The following NXPE3 variants were observed in gnomAD, a reference collection of about 807,000 sequenced individuals.
NXPE3 encodes neurexophilin and PC-esterase domain family member 3, also known as NXPE family member 3.
Under a neutral mutation model 46.1 loss-of-function variants are expected in NXPE3, and 26 were observed. The observed-to-expected ratio is 0.56, with a 90% CI of 0.41 to 0.78. The LOEUF is 0.78. Ranked by LOEUF, NXPE3 falls within the 30% of genes least tolerant of loss-of-function variation. The pLI is 0.00. For synonymous variants in NXPE3, 272 were observed against 257.9 expected, an observed-to-expected ratio of 1.05 and a Z score of -0.52; for missense variants, 620 against 686.0, an observed-to-expected ratio of 0.90 and a Z score of 1.07.
rs998835524 is a variant in NXPE3 at position 101,805,260 on chromosome 3, A to G, written c.849-1793A>G. On this transcript the variant is annotated intron_variant, in intron 5 of 7. Coordinates refer to ENST00000273347, the MANE Select transcript of NXPE3 (RefSeq NM_145037.4). ...ATATGCAGTTCATATTAGATATTCA[A>G]GTTTCTTCAGTTGTCCCAATAATGA... Among the ~76,000 whole-genome samples the G allele has an allele frequency of 7.8e-4, 118 of 152,134 alleles. 2 individuals carry two copies. Among genetic ancestry groups the G allele is most frequent in the Admixed American group, 7.6e-3 (116 of 15,270 alleles).
rs1264956930 is a variant in NXPE3 at position 101,821,508 on chromosome 3, A to G, written c.1234A>G (p.Ile412Val). 6.2e-7 allele frequency: 1 copy of G among 1,614,202 alleles called. No homozygotes were observed. Among genetic ancestry groups the G allele is most frequent in the African/African-American group, 1.3e-5 (1 of 75,052 alleles). Reference sequence around the variant, plus strand: ...CAAATACCGCTGCCATGGTCCACCCATCCGCTTCACGACTGTCTTTAGCAA... The same window carrying G: ...CAAATACCGCTGCCATGGTCCACCCGTCCGCTTCACGACTGTCTTTAGCAA... ...LLKYRCHGPPIRFTTVFSNEL... is the reference protein window; with the variant it reads ...LLKYRCHGPPVRFTTVFSNEL... The change falls in exon 8 of 8, where the codon ATC becomes GTC. Residue 412 changes from isoleucine (I) to valine (V), a missense_variant. Ile to Val is a conservative substitution (Grantham distance 29). Around this residue, in one of 3 missense-constraint regions of NXPE3, gnomAD observed 511 missense variants for 528.6 expected, o/e 0.97. Transcript: ENST00000273347.
At chr3:101,819,253 A>G (rs554147948) in intron 7 of NXPE3, among the ~76,000 whole-genome samples, 1 of 152,264 alleles carries the variant, frequency 6.6e-6, no homozygotes, top group African/African-American at 2.4e-5. Flanking sequence ...ACTTAAGGGA[A>G]TATTTAGGGA....
chr3:101,813,873 T>C (rs1052184281), intron 6 of NXPE3, among the ~76,000 whole-genome samples: 5 of 152,196 alleles, frequency 3.3e-5, no homozygotes, highest in African/African-American at 1.2e-4. Context: ...AAAAATCATA[T>C]TAAAATTGTC....
chr3:101,801,705 C>T lies in NXPE3; in HGVS notation c.564C>T (p.Val188=), dbSNP rs190780909. 65 of 1,614,140 alleles carry T rather than the reference C, an allele frequency of 4.0e-5. No homozygotes were observed. The Admixed American group carries it at 8.7e-4, about 22-fold the overall frequency. ...AAGTTAAAGTATCCGTATCTCTGGT[C>T]CACCCCAGTGAAGGGATCAGAGTTC... ...PGKVKVSVSL[V]HPSEGIRVLQ... is the part of the protein sequence containing the mutation. Residue 188 remains valine, a synonymous_variant, in exon 5 of 8, where the codon GTC becomes GTT. Transcript: ENST00000273347.
rs963261960 is a variant in NXPE3, at chr3:101,785,434, C to G, written c.-163C>G. 10 of 607,454 alleles carry G rather than the reference C, an allele frequency of 1.6e-5. No individual in the cohort carries two copies. The highest frequency in any genetic ancestry group is 2.1e-5 in the Non-Finnish European group (7 of 336,430). 37.6% of individuals were successfully genotyped at this position (607,454 alleles called of 1,614,324 possible). A position where few individuals can be genotyped will look rare whatever the true frequency, so the allele number is the denominator to read the frequency against. On this transcript the variant is annotated 5_prime_UTR_variant, in exon 4 of 8. In the 5' UTR this introduces an upstream ATG that the reference lacks. Transcript: ENST00000273347. The stretch of plus-strand genomic sequence containing the variant: ...TTGAAGAAAAATGTGCTTCTTGAAT[C>G]AACTGCAGTCTCTCCTCTGCATAAG...
At chr3:101,783,632 C>T in intron 3 of NXPE3, among the ~76,000 whole-genome samples, 1 of 152,230 alleles carries the variant, frequency 6.6e-6, no homozygotes. Flanking sequence ...CTGCTGCTGC[C>T]TGGCTGAACC....
rs765894012 is a variant in NXPE3 at position 101,816,908 on chromosome 3, A to G, written c.1036A>G (p.Asn346Asp). 1.2e-6 allele frequency: 2 copies of G among 1,614,198 alleles called. No homozygotes were observed. Among genetic ancestry groups the G allele is most frequent in the Admixed American group, 3.3e-5 (2 of 60,032 alleles). Residue 346 changes from asparagine to aspartate, a missense_variant, in exon 7 of 8, where the codon AAC (asparagine) becomes GAC (aspartate). By Grantham distance (23) the Asn-to-Asp change is conservative. Coordinates refer to ENST00000273347, the MANE Select transcript of NXPE3 (RefSeq NM_145037.4). ...FKMRQFNDPD[N>D]ITECLQRKVV... The stretch of plus-strand genomic sequence containing the variant: ...GATGCGTCAGTTTAATGACCCTGAC[A>G]ACATTACAGAGTGCTTACAAAGAAA...
chr3:101,785,973 C>T (rs34963630), intron 4 of NXPE3, among the ~76,000 whole-genome samples: 49,012 of 151,858 alleles, frequency 0.32, 8,052 homozygotes, highest in Non-Finnish European at 0.34. Context: ...ATAATAGTAA[C>T]GATAATTGGA....
chr3:101,814,501 A>T (rs1045980343), intron 6 of NXPE3, among the ~76,000 whole-genome samples: 1 of 152,220 alleles, frequency 6.6e-6, no homozygotes, highest in East Asian at 1.9e-4. Flanking sequence ...TTAGATATGC[A>T]CTCTGTGTCA....
intron 5 of NXPE3, among the ~76,000 whole-genome samples, chr3:101,805,878 G>A (rs911981947): frequency 6.6e-6 from 1 of 151,786 alleles, no homozygotes; most frequent in Non-Finnish European, 1.5e-5. Flanking sequence ...AATTATTATT[G>A]TACAATAATA....
intron 4 of NXPE3, among the ~76,000 whole-genome samples, chr3:101,794,804 T>C (rs892417593): frequency 1.3e-5 from 2 of 152,330 alleles, no homozygotes; most frequent in Non-Finnish European, 1.5e-5. Flanking sequence ...TAGAAAATTA[T>C]TCTTTTGTTC....
rs1350202188 is a variant in NXPE3, at chr3:101,821,951, C to G, written c.1677C>G (p.Thr559=). 1.4e-5 allele frequency: 22 copies of G among 1,612,112 alleles called. No homozygotes were observed. Among genetic ancestry groups the G allele is most frequent in the Non-Finnish European group, 1.8e-5 (21 of 1,178,448 alleles). Residue 559 remains threonine (T), a synonymous_variant, in exon 8 of 8, where the codon ACC becomes ACG. Coordinates refer to ENST00000273347, the MANE Select transcript of NXPE3 (RefSeq NM_145037.4). ...MFLSFVCPLE[T] is the part of the protein sequence containing the mutation. ...TGTCCTTTGTGTGCCCCTTGGAAACCTAGCCTGTCTTGGAAGGGACTGGAG... is the reference window on the plus strand; with the variant it reads ...TGTCCTTTGTGTGCCCCTTGGAAACGTAGCCTGTCTTGGAAGGGACTGGAG...
intron 6 of NXPE3, among the ~76,000 whole-genome samples, chr3:101,815,186 A>T (rs1449479590): frequency 6.6e-6 from 1 of 152,232 alleles, no homozygotes; most frequent in Non-Finnish European, 1.5e-5. Context: ...ATCAAGTGTA[A>T]CTAGGTTACA....
In NXPE3 at chr3:101,825,144, T is replaced by A. The variant is rs2107376022; in HGVS notation, c.*3190T>A. ...CCATTAGTAATTTTTCCTGATCCTC[T>A]CCCTCCTCCTACCCTCCACCCTCCA... On this transcript the variant is annotated 3_prime_UTR_variant, in exon 8 of 8. Coordinates refer to ENST00000273347, the MANE Select transcript of NXPE3 (RefSeq NM_145037.4). The A allele has an allele frequency of 6.6e-6, 1 of 152,262 alleles. No individual in the cohort carries two copies. Among genetic ancestry groups the A allele is most frequent in the Non-Finnish European group, 1.5e-5 (1 of 68,028 alleles). The allele number at this position is 152,262 out of a possible 1,614,324, so 9.4% of individuals were successfully genotyped here.
rs557303182 is a variant in NXPE3 at position 101,807,253 on chromosome 3, A to T, written c.922+127A>T. ...CTTCTGGGCACAATTGAAAATATTAAAAGTACTGTTTGATTAAAAAAATCA... is the reference window on the plus strand; with the variant it reads ...CTTCTGGGCACAATTGAAAATATTATAAGTACTGTTTGATTAAAAAAATCA... On this transcript the variant is annotated intron_variant, in intron 6 of 7. Transcript: ENST00000273347. The T allele has an allele frequency of 4.6e-6, 3 of 656,350 alleles. No homozygotes were observed. In the African/African-American group the frequency reaches 5.5e-5, roughly 12 times the overall value. The allele number at this position is 656,350 out of a possible 1,614,324, so 40.7% of individuals were successfully genotyped here. A position where few individuals can be genotyped will look rare whatever the true frequency, so the allele number is the denominator to read the frequency against.
chr3:101,796,349 TG>T (rs1040745885), intron 4 of NXPE3, among the ~76,000 whole-genome samples: 2 of 152,136 alleles, frequency 1.3e-5, no homozygotes, highest in African/African-American at 2.4e-5. Flanking sequence ...AGATGGCGGG[TG>T]TGAAGTTGCC....
chr3:101,805,432 CTTT>C (rs1204375308), intron 5 of NXPE3, among the ~76,000 whole-genome samples: 3 of 140,566 alleles, frequency 2.1e-5, no homozygotes, highest in Admixed American at 7.2e-5. Flanking sequence ...GTAGAATGTC[CTTT>C]TTTTTTTTTT....
intron 4 of NXPE3, among the ~76,000 whole-genome samples, chr3:101,791,020 G>A (rs1940486639): frequency 6.6e-6 from 1 of 152,168 alleles, no homozygotes; most frequent in African/African-American, 2.4e-5. Flanking sequence ...GCATATGTCA[G>A]TGGGGGTTTG....
chr3:101,792,133 T>A (rs2107264393), intron 4 of NXPE3, among the ~76,000 whole-genome samples: 1 of 152,308 alleles, frequency 6.6e-6, no homozygotes, highest in African/African-American at 2.4e-5. Context: ...GTAGATTTTG[T>A]TTCAGTTCCT....
Sources: gnomAD v4.1 joint callset for allele counts (sites outside exome capture counted in the v4.1 genomes callset) on GRCh38, gnomAD v4.1.1 for gene constraint, gnomAD v4.1.1 regional missense constraint, MANE v1.5 for transcripts, NCBI Gene and HGNC (gene_info 2026-07-23, HGNC 2026-07-21) for gene names.